PPP2R2C: variants seen among roughly 807,000 people sequenced by gnomAD.
The protein encoded by PPP2R2C is protein phosphatase 2 regulatory subunit Bgamma, also known as protein phosphatase 2, regulatory subunit B, gamma.
A neutral mutation model predicts 45.3 loss-of-function variants in PPP2R2C; 10 were observed. The observed-to-expected ratio is 0.22, with a 90% CI of 0.14 to 0.37. The LOEUF is 0.37. Ranked by LOEUF, PPP2R2C falls within the 10% of genes least tolerant of loss-of-function variation. The pLI is 1.00. For missense variants in PPP2R2C, 308 were observed against 619.7 expected (o/e 0.50, Z 5.34); for synonymous variants, 257 against 245.4 (o/e 1.05, Z -0.44).
At chr4:6,417,178 G>T (rs948839596) in intron 1 of PPP2R2C, among the ~76,000 whole-genome samples, 12 of 152,288 alleles carry the variant, frequency 7.9e-5, no homozygotes, top group African/African-American at 2.9e-4. Context: ...CGGGGAGGGG[G>T]ATGCCATTTA....
At chr4:6,363,146 A>C (rs1713964204) in intron 5 of PPP2R2C, among the ~76,000 whole-genome samples, 1 of 152,176 alleles carries the variant, frequency 6.6e-6, no homozygotes, top group South Asian at 2.1e-4. Context: ...GGAAGCCCTC[A>C]GTCATGTTGG....
chr4:6,551,992 G>A (rs1577254558), intron 1 of PPP2R2C, among the ~76,000 whole-genome samples: 2 of 152,248 alleles, frequency 1.3e-5, no homozygotes, highest in Admixed American at 6.5e-5. Flanking sequence ...GACTTTGGAA[G>A]TGGAAGGAAA....
At chr4:6,545,689 G>C (rs879347211) in intron 1 of PPP2R2C, among the ~76,000 whole-genome samples, 1 of 152,184 alleles carries the variant, frequency 6.6e-6, no homozygotes, top group Non-Finnish European at 1.5e-5. Flanking sequence ...CTTTTTCTAA[G>C]AATCCCCAAT....
At chr4:6,355,464 C>T (rs1045785520) in intron 5 of PPP2R2C, among the ~76,000 whole-genome samples, 1 of 148,396 alleles carries the variant, frequency 6.7e-6, no homozygotes, top group Non-Finnish European at 1.5e-5. Context: ...CACATGTATA[C>T]ATATGTAACT....
intron 2 of PPP2R2C, among the ~76,000 whole-genome samples, chr4:6,524,916 C>A (rs570231651): frequency 1.3e-5 from 2 of 151,914 alleles, no homozygotes; most frequent in South Asian, 4.2e-4. Context: ...TAGCAAGACC[C>A]CATCTCTACA....
intron 8 of PPP2R2C, 134 bp from the exon 9 acceptor site, chr4:6,323,727 G>A: frequency 1.1e-6 from 1 of 927,820 alleles, no homozygotes; most frequent in Non-Finnish European, 1.5e-6. Flanking sequence ...CTTCAGCCTA[G>A]GAGTTCAAGA....
At chr4:6,429,296 T>G (rs1160583276) in intron 1 of PPP2R2C, among the ~76,000 whole-genome samples, 1 of 152,248 alleles carries the variant, frequency 6.6e-6, no homozygotes, top group Admixed American at 6.5e-5. Flanking sequence ...ATTTCTAGGC[T>G]TATTTTTCAC....
intron 2 of PPP2R2C, among the ~76,000 whole-genome samples, chr4:6,481,933 C>T (rs548359528): frequency 4.8e-4 from 65 of 134,146 alleles, no homozygotes; most frequent in Non-Finnish European, 7.6e-4. Context: ...GAGCCGAGAT[C>T]GCACCACTGC....
chr4:6,535,495 G>A, intron 1 of PPP2R2C: 1 of 679,900 alleles, frequency 1.5e-6, no homozygotes, highest in Non-Finnish European at 2.4e-6. Context: ...CCGCCGCCCG[G>A]CACAGCTCCA....
chr4:6,389,594 CA>C (rs1211604977), intron 1 of PPP2R2C, among the ~76,000 whole-genome samples: 1 of 152,200 alleles, frequency 6.6e-6, no homozygotes, highest in Non-Finnish European at 1.5e-5. Flanking sequence ...AGCGGGCTGA[CA>C]CTGGGATAAG....
At chr4:6,423,050 C>T (rs913525590) in intron 1 of PPP2R2C, among the ~76,000 whole-genome samples, 1 of 152,220 alleles carries the variant, frequency 6.6e-6, no homozygotes, top group Non-Finnish European at 1.5e-5. Flanking sequence ...ACATCTGTCA[C>T]GCTGGCTCCC....
intron 1 of PPP2R2C, among the ~76,000 whole-genome samples, chr4:6,545,232 C>T (rs1314058266): frequency 3.3e-5 from 5 of 152,192 alleles, no homozygotes; most frequent in African/African-American, 7.2e-5. Flanking sequence ...GTTCTACCAA[C>T]GCACCAGTAT....
intron 2 of PPP2R2C, among the ~76,000 whole-genome samples, chr4:6,520,371 C>G (rs1723979048): frequency 6.8e-6 from 1 of 146,492 alleles, no homozygotes; most frequent in Non-Finnish European, 1.5e-5. Context: ...ACTCTGTCCC[C>G]GAGCAGCTCA....
chr4:6,421,153 C>G lies in PPP2R2C; in HGVS notation c.71-40059G>C, dbSNP rs187056540. The G allele has an allele frequency of 7.3e-4, 717 of 983,980 alleles. 8 individuals carry two copies. Among genetic ancestry groups the G allele is most frequent in the Non-Finnish European group, 8.4e-4 (695 of 828,572 alleles). The allele number at this position is 983,980 out of a possible 1,614,324, so 61.0% of individuals were successfully genotyped here. ...AGCCCTAGGCTCAGCCCATCACACACCACTTCCTGGTTAGCACATGACCAG... is the reference window on the plus strand; with the variant it reads ...AGCCCTAGGCTCAGCCCATCACACAGCACTTCCTGGTTAGCACATGACCAG... On this transcript the variant is annotated intron_variant, in intron 1 of 8. Coordinates refer to ENST00000382599, the MANE Select transcript of PPP2R2C (RefSeq NM_020416.4).
intron 1 of PPP2R2C, among the ~76,000 whole-genome samples, chr4:6,463,851 G>A (rs1289939896): frequency 1.3e-5 from 2 of 152,202 alleles, no homozygotes; most frequent in South Asian, 2.1e-4. Flanking sequence ...TCCTCCTGCT[G>A]AACCCTCTCG....
At chr4:6,376,345 G>A (rs904480867) in intron 3 of PPP2R2C, among the ~76,000 whole-genome samples, 3 of 152,172 alleles carry the variant, frequency 2.0e-5, no homozygotes, top group African/African-American at 7.2e-5. Context: ...TTAGGAAAGA[G>A]TGAAGCCAGG....
At chr4:6,545,901 T>A (rs1285790378) in intron 1 of PPP2R2C, among the ~76,000 whole-genome samples, 1 of 151,650 alleles carries the variant, frequency 6.6e-6, no homozygotes, top group Non-Finnish European at 1.5e-5. Flanking sequence ...CTACAAAGGG[T>A]TGTGGGAATA....
intron 2 of PPP2R2C, among the ~76,000 whole-genome samples, chr4:6,477,852 G>A (rs1722217427): frequency 1.3e-5 from 2 of 151,536 alleles, no homozygotes; most frequent in Middle Eastern, 3.4e-3. Flanking sequence ...TTCCAGCCCT[G>A]TCGACATGCA....
At chr4:6,350,389 C>A (rs1251068602) in intron 5 of PPP2R2C, 1 of 985,260 alleles carries the variant, frequency 1.0e-6, no homozygotes, top group Non-Finnish European at 1.2e-6. Context: ...CACATTAGTG[C>A]GACGGCCCAT....
Sources: gnomAD v4.1 joint callset for allele counts (sites outside exome capture counted in the v4.1 genomes callset) on GRCh38, gnomAD v4.1.1 for gene constraint, MANE v1.5 for transcripts, NCBI Gene and HGNC (gene_info 2026-07-23, HGNC 2026-07-21) for gene names.